The following CNTN5 variants were observed in gnomAD, a reference collection of about 807,000 sequenced individuals.
The protein encoded by CNTN5 is contactin 5.
CNTN5 carries 77 observed loss-of-function variants against 129.1 expected under a neutral mutation model. That is an observed-to-expected ratio of 0.60 (90% CI 0.50 to 0.72). The LOEUF is 0.72. Ranked by LOEUF, CNTN5 falls within the 30% of genes least tolerant of loss-of-function variation. The pLI, the probability that CNTN5 is intolerant of heterozygous loss-of-function variation, is 0.00. For synonymous variants in CNTN5, 509 were observed against 465.6 expected (o/e 1.09, Z -1.20); for missense variants, 1,478 against 1,328.8 (o/e 1.11, Z -1.75).
chr11:99,577,976 C>G (rs984946236), intron 3 of CNTN5, among the ~76,000 whole-genome samples: 13 of 129,674 alleles, frequency 1.0e-4, no homozygotes, highest in African/African-American at 3.8e-4. Flanking sequence ...TATCCCTCCC[C>G]CCTCCCCCCA....
At chr11:99,738,440 C>T (rs926116857) in intron 3 of CNTN5, among the ~76,000 whole-genome samples, 10 of 152,074 alleles carry the variant, frequency 6.6e-5, no homozygotes, top group African/African-American at 2.4e-4. Flanking sequence ...GCTATAGTAG[C>T]TCTAGGAAAT....
intron 1 of CNTN5, among the ~76,000 whole-genome samples, chr11:99,254,771 G>C (rs989313570): frequency 6.6e-6 from 1 of 151,814 alleles, no homozygotes; most frequent in East Asian, 1.9e-4. Flanking sequence ...ACTTATTGTG[G>C]TCATTGAATA....
chr11:99,838,884 G>A (rs902777703), intron 4 of CNTN5, among the ~76,000 whole-genome samples: 1 of 152,202 alleles, frequency 6.6e-6, no homozygotes, highest in African/African-American at 2.4e-5. Context: ...TTTGCTTTTA[G>A]CTAGAAATAA....
chr11:99,535,119 G>C (rs1298843513), intron 2 of CNTN5, among the ~76,000 whole-genome samples: 3 of 152,110 alleles, frequency 2.0e-5, no homozygotes, highest in African/African-American at 4.8e-5. Flanking sequence ...TGATGAGCTT[G>C]GTGAAGTGAT....
chr11:99,618,504 C>T (rs1478900831), intron 3 of CNTN5, among the ~76,000 whole-genome samples: 2 of 152,170 alleles, frequency 1.3e-5, no homozygotes, highest in East Asian at 1.9e-4. Context: ...CCAAATTTAA[C>T]TGTTCTTTGT....
intron 8 of CNTN5, among the ~76,000 whole-genome samples, chr11:99,979,536 G>A (rs946786427): frequency 2.0e-5 from 3 of 152,130 alleles, no homozygotes; most frequent in Admixed American, 6.5e-5. Flanking sequence ...TGTGAGGCAG[G>A]CTTCTATGAA....
At chr11:99,709,324 G>T (rs985394679) in intron 3 of CNTN5, among the ~76,000 whole-genome samples, 1 of 151,708 alleles carries the variant, frequency 6.6e-6, no homozygotes, top group Non-Finnish European at 1.5e-5. Context: ...TAAGTTAAAA[G>T]AATTGAACAA....
At chr11:99,859,764 G>A (rs948421587) in intron 6 of CNTN5, among the ~76,000 whole-genome samples, 1 of 152,114 alleles carries the variant, frequency 6.6e-6, no homozygotes, top group Non-Finnish European at 1.5e-5. Flanking sequence ...GGGCACCTAG[G>A]TTGATTCCAC....
At chr11:99,755,757 A>G (rs1487545377) in intron 3 of CNTN5, among the ~76,000 whole-genome samples, 1 of 152,084 alleles carries the variant, frequency 6.6e-6, no homozygotes. Flanking sequence ...AGACCCTGAA[A>G]GAAGTTTAAT....
intron 2 of CNTN5, among the ~76,000 whole-genome samples, chr11:99,469,147 C>A (rs1416787070): frequency 6.6e-6 from 1 of 152,006 alleles, no homozygotes; most frequent in Non-Finnish European, 1.5e-5. Flanking sequence ...CCCATATTCC[C>A]ATTGTAAGAT....
At position 99,499,997 on chromosome 11, in the gene CNTN5, A is replaced by G. The variant is rs114821721; in HGVS notation, c.-70-56148A>G. Among the ~76,000 whole-genome samples, 990 of 152,264 alleles carry G rather than the reference A, an allele frequency of 6.5e-3. 11 individuals are homozygous for G. Among genetic ancestry groups the G allele is most frequent in the African/African-American group, 0.023 (938 of 41,572 alleles). On this transcript the variant is annotated intron_variant, in intron 2 of 24. Coordinates refer to ENST00000524871, the MANE Select transcript of CNTN5 (RefSeq NM_014361.4). ...TTTTTGACTTTGAAAAAGAATGGCA[A>G]AAAAATGGCTGGTTTCAAATATTTC...
chr11:100,343,124 G>A (rs571453258), intron 23 of CNTN5, among the ~76,000 whole-genome samples: 4 of 152,226 alleles, frequency 2.6e-5, no homozygotes, highest in South Asian at 4.1e-4. Context: ...GAAACTGATC[G>A]TTAAAAGTTG....
At chr11:99,095,762 C>T (rs1038610850) in intron 1 of CNTN5, among the ~76,000 whole-genome samples, 1 of 151,804 alleles carries the variant, frequency 6.6e-6, no homozygotes, top group Non-Finnish European at 1.5e-5. Flanking sequence ...AAAGATTTAG[C>T]AGGCAAGCTG....
intron 1 of CNTN5, among the ~76,000 whole-genome samples, chr11:99,185,710 T>G (rs961020691): frequency 6.6e-6 from 1 of 151,748 alleles, no homozygotes; most frequent in African/African-American, 2.4e-5. Flanking sequence ...ATTTTGTACT[T>G]AGTTGGAGCT....
chr11:99,268,980 C>G (rs193222141), intron 1 of CNTN5, among the ~76,000 whole-genome samples: 1 of 151,932 alleles, frequency 6.6e-6, no homozygotes, highest in Non-Finnish European at 1.5e-5. Context: ...AGCATTTGAC[C>G]TGTTTTATGC....
intron 3 of CNTN5, among the ~76,000 whole-genome samples, chr11:99,715,537 A>G (rs1955182184): frequency 1.3e-5 from 2 of 151,914 alleles, no homozygotes; most frequent in Non-Finnish European, 2.9e-5. Flanking sequence ...AAACAGAGTG[A>G]ACCCCAAAGT....
At chr11:99,640,867 C>G (rs687917) in intron 3 of CNTN5, among the ~76,000 whole-genome samples, 91,225 of 151,882 alleles carry the variant, frequency 0.6, 28,212 homozygotes, top group Admixed American at 0.69. Context: ...TTTTAAGATG[C>G]AGTGTCAGCT....
At chr11:99,845,376 T>C in intron 6 of CNTN5, 114 bp downstream of exon 6, 1 of 576,276 alleles carries the variant, frequency 1.7e-6, no homozygotes, top group Non-Finnish European at 2.5e-6. Context: ...CTTTTTTTTT[T>C]TTTTTTTTTT....
chr11:100,130,832 G>A (rs1192124039), intron 13 of CNTN5, among the ~76,000 whole-genome samples: 2 of 152,046 alleles, frequency 1.3e-5, no homozygotes, highest in Admixed American at 1.3e-4. Flanking sequence ...AGTTTTGGCG[G>A]GGGAAAATTG....
Sources: gnomAD v4.1 joint callset for allele counts (sites outside exome capture counted in the v4.1 genomes callset) on GRCh38, gnomAD v4.1.1 for gene constraint, MANE v1.5 for transcripts, NCBI Gene and HGNC (gene_info 2026-07-23, HGNC 2026-07-21) for gene names.